The following CDH2 variants were observed in gnomAD, a reference collection of about 807,000 sequenced individuals.
CDH2 encodes cadherin-2.
In CDH2, 17 loss-of-function variants were observed where a neutral mutation model predicts 92.0. The ratio of observed to expected loss-of-function variants is 0.18; its 90% CI spans 0.13 to 0.28. CDH2 has a LOEUF of 0.28. Among genes scored for constraint, CDH2 ranks in the 10% least tolerant of loss-of-function variants. The pLI is 1.00. For synonymous variants in CDH2, 419 were observed against 415.9 expected (o/e 1.01, Z -0.09); for missense variants, 862 against 1,133.1 (o/e 0.76, Z 3.44).
At chr18:28,006,717 C>CAA (rs35592550) in intron 5 of CDH2, among the ~76,000 whole-genome samples, 20 of 77,558 alleles carry the variant, frequency 2.6e-4, no homozygotes, top group South Asian at 4.0e-4. Flanking sequence ...GACTCTGTCT[C>CAA]AAAAAAAAAA....
chr18:28,127,452 C>A (rs1480659540), intron 2 of CDH2, among the ~76,000 whole-genome samples: 1 of 152,174 alleles, frequency 6.6e-6, no homozygotes, highest in Admixed American at 6.5e-5. Context: ...AAGCGCAAGG[C>A]CCTGCGGCAA....
intron 6 of CDH2, among the ~76,000 whole-genome samples, chr18:27,936,004 A>G (rs1909009202): frequency 6.6e-6 from 1 of 152,206 alleles, no homozygotes; most frequent in Non-Finnish European, 1.5e-5. Context: ...CTATAAACAC[A>G]ACTGTAATAT....
At chr18:28,107,986 T>C (rs576046908) in intron 2 of CDH2, among the ~76,000 whole-genome samples, 1 of 152,214 alleles carries the variant, frequency 6.6e-6, no homozygotes, top group Non-Finnish European at 1.5e-5. Context: ...AACTTTCTTG[T>C]TTACAATACA....
Position 28,157,779 on chromosome 18 carries a change from G to A in CDH2, c.61-9995C>T, listed in dbSNP as rs942019365. On this transcript the variant is annotated intron_variant, in intron 1 of 15. Coordinates refer to ENST00000269141, the MANE Select transcript of CDH2 (RefSeq NM_001792.5). Reference sequence around the variant, plus strand: ...CAATTTCAATGTTTCTGTTCACTATGGAAAAAATTAGGAAAAAAAAAGACT... The same window carrying A: ...CAATTTCAATGTTTCTGTTCACTATAGAAAAAATTAGGAAAAAAAAAGACT... 2.0e-5 allele frequency among the ~76,000 whole-genome samples: 3 copies of A among 151,916 alleles called. No homozygotes were observed. In the East Asian group the frequency reaches 5.8e-4, roughly 29 times the overall value.
chr18:27,948,337 C>A (rs1909328026), downstream of CDH2, among the ~76,000 whole-genome samples: 1 of 151,746 alleles, frequency 6.6e-6, no homozygotes. Flanking sequence ...GAAAACAGAC[C>A]TTTATCTAGA....
At chr18:28,125,691 T>C (rs1438118758) in intron 2 of CDH2, among the ~76,000 whole-genome samples, 4 of 152,154 alleles carry the variant, frequency 2.6e-5, no homozygotes, top group Non-Finnish European at 4.4e-5. Flanking sequence ...GCTGAGCTTG[T>C]TCTAAGCACT....
intron 14 of CDH2, among the ~76,000 whole-genome samples, chr18:27,980,787 C>T (rs1411445605): frequency 7.8e-6 from 1 of 128,730 alleles, no homozygotes; most frequent in African/African-American, 3.1e-5. Context: ...AAGAGTTTGG[C>T]TGGGGTCAAA....
In CDH2 at chr18:28,177,125, A is replaced by C; in HGVS notation, c.-103T>G. On this transcript the variant is annotated 5_prime_UTR_variant, in exon 1 of 16. Transcript: ENST00000269141. ...GGCAGCACCAACAGCGGCGCGGAGA[A>C]ACGGCTCCAGGCAGTTTCCACCCCC... The C allele has an allele frequency of 3.7e-6, 3 of 805,634 alleles. No individual in the cohort carries two copies. The highest frequency in any genetic ancestry group is 3.8e-6 in the Non-Finnish European group (2 of 531,830). 49.9% of individuals were successfully genotyped at this position (805,634 alleles called of 1,614,324 possible). A position where few individuals can be genotyped will look rare whatever the true frequency, so the allele number is the denominator to read the frequency against.
chr18:28,045,609 C>T, intron 2 of CDH2: 1 of 312,840 alleles, frequency 3.2e-6, no homozygotes, highest in Non-Finnish European at 6.3e-6. Flanking sequence ...AGCACCTGGG[C>T]CAGTGGCTAC....
At chr18:28,093,181 G>GA (rs1016373774) in intron 2 of CDH2, among the ~76,000 whole-genome samples, 3 of 151,890 alleles carry the variant, frequency 2.0e-5, no homozygotes, top group South Asian at 2.1e-4. Flanking sequence ...TTTTCTCCAA[G>GA]AAAAAAATCA....
chr18:28,010,683 G>A (rs1822422), intron 4 of CDH2, among the ~76,000 whole-genome samples: 1 of 147,654 alleles, frequency 6.8e-6, no homozygotes, highest in Admixed American at 6.7e-5. Flanking sequence ...TTTTTTTTGC[G>A]GGGGGGGAAG....
chr18:28,156,615 TACAGC>T (rs1373019967), intron 1 of CDH2, among the ~76,000 whole-genome samples: 1 of 99,374 alleles, frequency 1.0e-5, no homozygotes. Flanking sequence ...CCTTCCCAGG[TACAGC>T]ATGTCACCTT....
intron 7 of CDH2, among the ~76,000 whole-genome samples, chr18:27,994,182 TAG>T (rs2012511549): frequency 1.3e-5 from 2 of 152,356 alleles, no homozygotes; most frequent in South Asian, 4.1e-4. Flanking sequence ...CAAAACCATA[TAG>T]AAGAGATATA....
rs752832492 is a variant in CDH2, at chr18:28,009,837, C to A, written c.582G>T (p.Arg194=). ...RSDRDKNLSL[R]YSVTGPGADQ... is the part of the protein sequence containing the mutation. ...CAGCTCCTGGCCCAGTTACACTGTACCGCAGTGAAAGGTTTTTATCTCTAT... is the reference window on the plus strand; with the variant it reads ...CAGCTCCTGGCCCAGTTACACTGTAACGCAGTGAAAGGTTTTTATCTCTAT... The change falls in exon 5 of 16, where the codon CGG becomes CGT. Residue 194 remains arginine, a synonymous_variant. Transcript: ENST00000269141. 2 of 1,613,236 alleles carry A rather than the reference C, an allele frequency of 1.2e-6. No individual in the cohort carries two copies. The highest frequency in any genetic ancestry group is 1.1e-5 in the South Asian group (1 of 90,892).
At chr18:27,939,579 T>C (rs912313336) in intron 6 of CDH2, among the ~76,000 whole-genome samples, 1 of 152,188 alleles carries the variant, frequency 6.6e-6, no homozygotes, top group Non-Finnish European at 1.5e-5. Context: ...ACTCTTCCTG[T>C]GCGTTGCAGA....
intron 2 of CDH2, among the ~76,000 whole-genome samples, chr18:28,065,746 T>C (rs184238087): frequency 5.9e-4 from 90 of 152,316 alleles, no homozygotes; most frequent in Non-Finnish European, 1.2e-3. Context: ...AATTCTCCAA[T>C]ATTAAATTCT....
intron 1 of CDH2, among the ~76,000 whole-genome samples, chr18:28,155,662 A>G (rs573427864): frequency 3.4e-4 from 52 of 152,334 alleles, no homozygotes; most frequent in Non-Finnish European, 6.6e-4. Context: ...ATAAGCGAAC[A>G]TAAACAGTTA....
chr18:28,153,020 C>T (rs906379049), intron 1 of CDH2, among the ~76,000 whole-genome samples: 1 of 152,000 alleles, frequency 6.6e-6, no homozygotes, highest in Non-Finnish European at 1.5e-5. Flanking sequence ...AAAATAATTG[C>T]AAAACTATAA....
intron 6 of CDH2, among the ~76,000 whole-genome samples, chr18:27,933,484 G>A (rs539150320): frequency 6.6e-5 from 10 of 152,138 alleles, no homozygotes; most frequent in Middle Eastern, 3.4e-3. Context: ...AACCCCTATA[G>A]CATGTCCTGA....
Sources: allele counts gnomAD v4.1 joint callset (sites outside exome capture counted in the v4.1 genomes callset), GRCh38; gene constraint gnomAD v4.1.1; transcripts MANE v1.5; gene names NCBI Gene and HGNC (gene_info 2026-07-23, HGNC 2026-07-21).